DAZAP1: variants seen among roughly 807,000 people sequenced by gnomAD.
DAZAP1 encodes the protein DAZ associated protein 1.
Under a neutral mutation model 60.1 loss-of-function variants are expected in DAZAP1, and 6 were observed. The ratio of observed to expected loss-of-function variants is 0.10; its 90% CI spans 0.05 to 0.20. The LOEUF is 0.20. Ranked by LOEUF, DAZAP1 falls within the 10% of genes least tolerant of loss-of-function variation. The probability of loss-of-function intolerance (pLI) is 1.00; values close to 1 mark genes in which losing one functional copy is unlikely to be tolerated. For synonymous variants in DAZAP1, 235 were observed against 215.9 expected (o/e 1.09, Z -0.78); for missense variants, 366 against 560.4 (o/e 0.65, Z 3.50).
At chr19:1,429,093 C>T in intron 8 of DAZAP1, 98 bp downstream of exon 8, 1 of 1,387,398 alleles carries the variant, frequency 7.2e-7, no homozygotes, top group Non-Finnish European at 9.5e-7. Flanking sequence ...CCCACCTCTG[C>T]TGTGCATGCA....
chr19:1,432,822 G>C lies in DAZAP1; in HGVS notation c.1048+132G>C, dbSNP rs2292458. The C allele has an allele frequency of 7.5e-4, 803 of 1,073,852 alleles. 15 individuals carry two copies. The East Asian group carries it at 0.019, about 25-fold the overall frequency. 66.5% of individuals were successfully genotyped at this position (1,073,852 alleles called of 1,614,324 possible). A position where few individuals can be genotyped will look rare whatever the true frequency, so the allele number is the denominator to read the frequency against. On this transcript the variant is annotated intron_variant, in intron 11 of 11. Coordinates refer to ENST00000233078, the MANE Select transcript of DAZAP1 (RefSeq NM_018959.4). This position sits in a 1 kb window ranked among gnomAD's most constrained non-coding sequence, Gnocchi z 4.9. ...GTGGGAAAGGGGAGAGGGAGGAGAG[G>C]GGGGTGTGGGGGTTGTTGGAGAGAT...
chr19:1,414,769 A>T (rs539970713), intron 1 of DAZAP1, among the ~76,000 whole-genome samples: 3 of 152,218 alleles, frequency 2.0e-5, no homozygotes, highest in African/African-American at 7.2e-5. Context: ...ATTATTTTTT[A>T]AAATTGTATT....
intron 1 of DAZAP1, among the ~76,000 whole-genome samples, chr19:1,414,867 CT>C (rs2082931502): frequency 6.6e-6 from 1 of 150,776 alleles, no homozygotes; most frequent in South Asian, 2.1e-4. Context: ...TCTGTCACCC[CT>C]GCTGGAGTGC....
chr19:1,421,094 G>T, intron 4 of DAZAP1, 54 bp from the exon 5 acceptor site: 1 of 1,537,654 alleles, frequency 6.5e-7, no homozygotes, highest in Non-Finnish European at 9.0e-7. Context: ...CGCAGCTCGC[G>T]GGAGGGTTTG....
At chr19:1,414,492 A>G (rs1243390843) in intron 1 of DAZAP1, among the ~76,000 whole-genome samples, 1 of 152,170 alleles carries the variant, frequency 6.6e-6, no homozygotes, top group African/African-American at 2.4e-5. Context: ...CACGCCTGTC[A>G]TCCCAGCACT....
Position 1,423,199 on chromosome 19 carries a change from C to T in DAZAP1, c.463+803C>T, listed in dbSNP as rs1355763867. Among the ~76,000 whole-genome samples, 1 of 152,258 alleles carries T rather than the reference C, an allele frequency of 6.6e-6. No individual in the cohort carries two copies. The highest frequency in any genetic ancestry group is 2.1e-4 in the South Asian group (1 of 4,838). Reference sequence around the variant, plus strand: ...GCGCCAGGTGGCGCCGCAGCATGCCCACCATGCTGGAGCATAGTTTGCCAT... The same window carrying T: ...GCGCCAGGTGGCGCCGCAGCATGCCTACCATGCTGGAGCATAGTTTGCCAT... On this transcript the variant is annotated intron_variant, in intron 6 of 11. Coordinates refer to ENST00000233078, the MANE Select transcript of DAZAP1 (RefSeq NM_018959.4). The surrounding 1 kb of genome is among the most constrained non-coding windows in gnomAD (Gnocchi z 6.8).
At chr19:1,431,472 C>G (rs1312397354) in intron 10 of DAZAP1, among the ~76,000 whole-genome samples, 2 of 151,918 alleles carry the variant, frequency 1.3e-5, no homozygotes, top group African/African-American at 4.8e-5. Context: ...TTTTGTTGCC[C>G]AGGATTGAGT....
At chr19:1,408,028 C>T (rs1442015006) in intron 1 of DAZAP1, among the ~76,000 whole-genome samples, 1 of 151,214 alleles carries the variant, frequency 6.6e-6, no homozygotes, top group Non-Finnish European at 1.5e-5. Flanking sequence ...GGCTTCCCGT[C>T]CTGGGGGATC....
Position 1,430,269 on chromosome 19 carries a change from C to CCCCCCCAAAA in DAZAP1, c.779_780insCCCCCAAAAC (p.Phe262GlnfsTer168). On this transcript the variant is annotated frameshift_variant, in exon 10 of 12. Coordinates refer to ENST00000233078, the MANE Select transcript of DAZAP1 (RefSeq NM_018959.4). LOFTEE classifies it high-confidence loss of function. Reference sequence around the variant, plus strand: ...AGGAAGAGGAGCCCCCCCGCCACCCCCACCGTTCACCTCCTACATCGTGTC... The same window carrying CCCCCCCAAAA: ...AGGAAGAGGAGCCCCCCCGCCACCCCCCCCCCAAAACACCGTTCACCTCCTACATCGTGTC... The CCCCCCCAAAA allele has an allele frequency of 7.4e-7, 1 of 1,356,188 alleles. No homozygotes were observed. The highest frequency in any genetic ancestry group is 1.0e-6 in the Non-Finnish European group (1 of 971,276). The allele number at this position is 1,356,188 out of a possible 1,614,324, so 84.0% of individuals were successfully genotyped here.
intron 1 of DAZAP1, 148 bp from the exon 2 acceptor site, chr19:1,417,352 G>C (rs1376029643): frequency 3.6e-6 from 3 of 840,878 alleles, no homozygotes; most frequent in Middle Eastern, 6.2e-4. Flanking sequence ...ACTCGCCATT[G>C]CTGTGAGCTT....
chr19:1,417,625 A>G, intron 2 of DAZAP1, 85 bp downstream of exon 2: 1 of 1,268,278 alleles, frequency 7.9e-7, no homozygotes, highest in Non-Finnish European at 1.1e-6. Context: ...GCCTCTTGCT[A>G]CTGTCTTGGA....
intron 4 of DAZAP1, among the ~76,000 whole-genome samples, chr19:1,419,457 C>T (rs1266828733): frequency 6.6e-6 from 1 of 152,198 alleles, no homozygotes; most frequent in Non-Finnish European, 1.5e-5. Context: ...TACACCATTC[C>T]TAAGGACCGG....
At chr19:1,414,668 G>A (rs914606424) in intron 1 of DAZAP1, among the ~76,000 whole-genome samples, 16 of 151,870 alleles carry the variant, frequency 1.1e-4, no homozygotes, top group Non-Finnish European at 2.1e-4. Flanking sequence ...CCCGGGAGGC[G>A]GAGGTTGCAG....
Position 1,432,509 on chromosome 19 carries a change from T to C in DAZAP1, c.872-5T>C, listed in dbSNP as rs1168355445. 9 of 1,613,658 alleles carry C rather than the reference T, an allele frequency of 5.6e-6. No individual in the cohort carries two copies. Among genetic ancestry groups the C allele is most frequent in the Non-Finnish European group, 7.6e-6 (9 of 1,179,978 alleles). ...CTTGTGCCTTGCCCTCTTGTACCTC[T>C]GCAGGTTTTGGCTACGGGCCTCCAC... On this transcript the variant is annotated splice_region_variant and splice_polypyrimidine_tract_variant and intron_variant, in intron 10 of 11. Transcript: ENST00000233078. This position sits in a 1 kb window ranked among gnomAD's most constrained non-coding sequence, Gnocchi z 4.9.
chr19:1,418,635 T>G lies in DAZAP1; in HGVS notation c.238-31T>G. On this transcript the variant is annotated intron_variant, in intron 3 of 11. Coordinates refer to ENST00000233078, the MANE Select transcript of DAZAP1 (RefSeq NM_018959.4). This position sits in a 1 kb window ranked among gnomAD's most constrained non-coding sequence, Gnocchi z 5.7. The stretch of plus-strand genomic sequence containing the variant: ...CTTTCCTAGAGAAACAGCCTCTTAT[T>G]CACAACCAGCTGATTTGAAATTTCC... The G allele has an allele frequency of 6.2e-7, 1 of 1,613,812 alleles. No individual in the cohort carries two copies. The highest frequency in any genetic ancestry group is 8.5e-7 in the Non-Finnish European group (1 of 1,179,790).
At chr19:1,412,053 C>T (rs1036684612) in intron 1 of DAZAP1, among the ~76,000 whole-genome samples, 3 of 152,212 alleles carry the variant, frequency 2.0e-5, no homozygotes, top group African/African-American at 4.8e-5. Context: ...AACACTGGTC[C>T]GCCTGGGAGG....
At position 1,434,938 on chromosome 19, in the gene DAZAP1, G is replaced by T; in HGVS notation, c.*26G>T. The T allele has an allele frequency of 8.1e-7, 1 of 1,232,142 alleles. No homozygotes were observed. Among genetic ancestry groups the T allele is most frequent in the South Asian group, 2.0e-5 (1 of 48,818 alleles). 76.3% of individuals were successfully genotyped at this position (1,232,142 alleles called of 1,614,324 possible). On this transcript the variant is annotated 3_prime_UTR_variant, in exon 12 of 12. Transcript: ENST00000233078. This position sits in a 1 kb window ranked among gnomAD's most constrained non-coding sequence, Gnocchi z 8.0. Reference sequence around the variant, plus strand: ...CCCGCGGCGCCGCGACGTCTGCACGGCCCAGACCCAGGATTCCAAACTTGT... The same window carrying T: ...CCCGCGGCGCCGCGACGTCTGCACGTCCCAGACCCAGGATTCCAAACTTGT...
chr19:1,419,232 T>G (rs2083076118), intron 4 of DAZAP1, among the ~76,000 whole-genome samples: 3 of 152,216 alleles, frequency 2.0e-5, no homozygotes, highest in South Asian at 4.1e-4. Context: ...CATTTGGGTC[T>G]CACCACCACC....
At chr19:1,414,833 T>G (rs77830991) in intron 1 of DAZAP1, among the ~76,000 whole-genome samples, 13 of 152,056 alleles carry the variant, frequency 8.5e-5, no homozygotes, top group Admixed American at 8.5e-4. Context: ...ATTTTTTTTT[T>G]AATTTTATTT....
Sources: allele counts gnomAD v4.1 joint callset (sites outside exome capture counted in the v4.1 genomes callset), GRCh38; gene constraint gnomAD v4.1.1; non-coding constraint Gnocchi (gnomAD v3.1); transcripts MANE v1.5; gene names NCBI Gene and HGNC (gene_info 2026-07-23, HGNC 2026-07-21).